SLC30A8: variants seen among roughly 807,000 people sequenced by gnomAD.
The protein encoded by SLC30A8 is solute carrier family 30 member 8.
Under a neutral mutation model 36.9 loss-of-function variants are expected in SLC30A8, and 27 were observed. That is an observed-to-expected ratio of 0.73 (90% CI 0.54 to 1.01). The LOEUF is 1.01. Ranked by LOEUF, SLC30A8 falls within the 50% of genes least tolerant of loss-of-function variation. The probability of loss-of-function intolerance (pLI) is 0.00; values close to 1 mark genes in which losing one functional copy is unlikely to be tolerated. For synonymous variants in SLC30A8, 164 were observed against 172.4 expected (o/e 0.95, Z 0.38); for missense variants, 439 against 452.0 (o/e 0.97, Z 0.26).
chr8:117,087,109 C>G (rs67460493), intron 2 of SLC30A8, among the ~76,000 whole-genome samples: 1 of 151,942 alleles, frequency 6.6e-6, no homozygotes, highest in Non-Finnish European at 1.5e-5. Flanking sequence ...TGGGATTTCT[C>G]GGAAATGGAA....
chr8:117,170,459 G>C (rs1328051828), intron 6 of SLC30A8, among the ~76,000 whole-genome samples: 2 of 152,092 alleles, frequency 1.3e-5, no homozygotes, highest in African/African-American at 4.8e-5. Flanking sequence ...ATTATACAAT[G>C]TTAGGATCCT....
chr8:117,097,408 A>ATATATATATAT (rs1289257794), intron 2 of SLC30A8, among the ~76,000 whole-genome samples: 1 of 123,082 alleles, frequency 8.1e-6, no homozygotes, highest in African/African-American at 3.3e-5. Context: ...AAAAAAAAAA[A>ATATATATATAT]AAAAAAAAAA....
intron 2 of SLC30A8, among the ~76,000 whole-genome samples, chr8:117,084,065 C>G (rs555916304): frequency 6.6e-6 from 1 of 152,232 alleles, no homozygotes; most frequent in South Asian, 2.1e-4. Flanking sequence ...ATATTTTTGA[C>G]TATAATTTTC....
At chr8:117,171,864 G>T (rs1349353522) in intron 7 of SLC30A8, among the ~76,000 whole-genome samples, 10 of 152,092 alleles carry the variant, frequency 6.6e-5, no homozygotes, top group Non-Finnish European at 1.5e-5. Flanking sequence ...TTACTTAGGG[G>T]CAGGGGACAG....
At chr8:116,952,078 A>G (rs555069831) in intron 1 of SLC30A8, among the ~76,000 whole-genome samples, 69 of 152,284 alleles carry the variant, frequency 4.5e-4, no homozygotes, top group East Asian at 5.8e-4. Flanking sequence ...AGGAGCAGGT[A>G]GCAATCCTAG....
intron 1 of SLC30A8, among the ~76,000 whole-genome samples, chr8:117,008,893 T>C (rs116850315): frequency 8.4e-4 from 128 of 152,330 alleles, no homozygotes; most frequent in Non-Finnish European, 1.5e-3. Context: ...ATGACTGTTA[T>C]GTTAGGTAGG....
intron 1 of SLC30A8, among the ~76,000 whole-genome samples, chr8:117,022,559 C>T (rs1816734741): frequency 1.3e-5 from 2 of 152,114 alleles, no homozygotes. Flanking sequence ...GCAGAGCCCT[C>T]AGAAATAATG....
chr8:116,976,822 C>CTTTTT (rs763561636), intron 1 of SLC30A8, among the ~76,000 whole-genome samples: 1 of 34,892 alleles, frequency 2.9e-5, no homozygotes, highest in Non-Finnish European at 6.6e-5. Flanking sequence ...TTCTTTCTTT[C>CTTTTT]TTTTTTTTTT....
intron 2 of SLC30A8, among the ~76,000 whole-genome samples, chr8:117,074,146 A>G (rs1488248952): frequency 1.3e-5 from 2 of 152,062 alleles, no homozygotes; most frequent in African/African-American, 4.8e-5. Context: ...AAGGTCTTTA[A>G]GAATGAAACG....
At chr8:117,033,168 C>T (rs1817110135) in intron 1 of SLC30A8, among the ~76,000 whole-genome samples, 1 of 152,140 alleles carries the variant, frequency 6.6e-6, no homozygotes, top group South Asian at 2.1e-4. Context: ...GTATCAAAAG[C>T]AGGTATTCAA....
chr8:116,977,432 C>T (rs544293506), intron 1 of SLC30A8, among the ~76,000 whole-genome samples: 7 of 151,180 alleles, frequency 4.6e-5, no homozygotes, highest in Admixed American at 2.0e-4. Flanking sequence ...GGATTACAGG[C>T]GTGAGCCACC....
intron 2 of SLC30A8, among the ~76,000 whole-genome samples, chr8:117,053,510 A>T (rs1020433167): frequency 1.3e-5 from 2 of 152,090 alleles, no homozygotes; most frequent in African/African-American, 4.8e-5. Flanking sequence ...TGGAAGAACC[A>T]TTTCCTGGAT....
At chr8:117,116,614 TA>T (rs1820457144) in intron 2 of SLC30A8, among the ~76,000 whole-genome samples, 1 of 152,006 alleles carries the variant, frequency 6.6e-6, no homozygotes, top group African/African-American at 2.4e-5. Flanking sequence ...TATAAAGAAT[TA>T]GAATTAGAAC....
At chr8:116,982,029 C>T (rs796217954) in intron 1 of SLC30A8, among the ~76,000 whole-genome samples, 25 of 152,196 alleles carry the variant, frequency 1.6e-4, no homozygotes, top group African/African-American at 4.8e-4. Context: ...TTTATATTCC[C>T]ACCAGCAGTG....
At chr8:117,083,594 C>T (rs1405715519) in intron 2 of SLC30A8, among the ~76,000 whole-genome samples, 1 of 152,120 alleles carries the variant, frequency 6.6e-6, no homozygotes, top group East Asian at 1.9e-4. Flanking sequence ...AATTAGAGTT[C>T]CCTCCCCAAT....
At chr8:116,996,977 CTT>C (rs778956654) in intron 1 of SLC30A8, among the ~76,000 whole-genome samples, 12 of 142,320 alleles carry the variant, frequency 8.4e-5, no homozygotes, top group Non-Finnish European at 4.6e-5. Context: ...AGGAGGCATT[CTT>C]TTTTTTTTTT....
intron 1 of SLC30A8, among the ~76,000 whole-genome samples, chr8:116,951,705 G>A (rs538573657): frequency 1.3e-5 from 2 of 152,036 alleles, no homozygotes; most frequent in Non-Finnish European, 2.9e-5. Flanking sequence ...TTATTGAACA[G>A]CATGAATCTA....
At chr8:117,095,454 T>G (rs1162836300) in intron 2 of SLC30A8, among the ~76,000 whole-genome samples, 3 of 119,896 alleles carry the variant, frequency 2.5e-5, no homozygotes, top group East Asian at 2.7e-4. Flanking sequence ...GAGGACAGGG[T>G]TTTTTTTTGC....
chr8:117,138,764 G>C (rs760442097), intron 1 of SLC30A8, among the ~76,000 whole-genome samples: 1 of 151,914 alleles, frequency 6.6e-6, no homozygotes, highest in Non-Finnish European at 1.5e-5. Context: ...ACTACGATCC[G>C]TATTCAGTGC....
Sources: gnomAD v4.1 joint callset for allele counts (sites outside exome capture counted in the v4.1 genomes callset) on GRCh38, gnomAD v4.1.1 for gene constraint, MANE v1.5 for transcripts, NCBI Gene and HGNC (gene_info 2026-07-23, HGNC 2026-07-21) for gene names.